The following ZNF287 variants were observed in gnomAD, a reference collection of about 807,000 sequenced individuals.
ZNF287 encodes zinc finger protein 287.
In ZNF287, 31 loss-of-function variants were observed where a neutral mutation model predicts 73.7. The observed-to-expected ratio is 0.42, with a 90% CI of 0.32 to 0.57. ZNF287 has a LOEUF of 0.57. ZNF287 is among the 20% of genes least tolerant of loss of function. ZNF287 has a pLI of 0.13. For synonymous variants in ZNF287, 301 were observed against 307.2 expected (o/e 0.98, Z 0.21); for missense variants, 641 against 909.3 (o/e 0.70, Z 3.79).
chr17:16,555,773 T>G (rs1907016316), intron 5 of ZNF287, among the ~76,000 whole-genome samples: 1 of 152,178 alleles, frequency 6.6e-6, no homozygotes, highest in African/African-American at 2.4e-5. Context: ...TTACAACCTC[T>G]TTCTCCTTTG....
chr17:16,561,184 C>G (rs1363543653), intron 5 of ZNF287, among the ~76,000 whole-genome samples: 6 of 151,936 alleles, frequency 3.9e-5, no homozygotes, highest in Non-Finnish European at 7.4e-5. Flanking sequence ...TGTGGTGGCA[C>G]ATGCCTCTAA....
rs956448236 is a variant in ZNF287 at position 16,549,067 on chromosome 17, A to T, written c.*2789T>A. ...GTAAGTTACTTTCCAATGTTTGGTTAAAAAAAATACGGCAGAATGTTAGTT... is the reference window on the plus strand; with the variant it reads ...GTAAGTTACTTTCCAATGTTTGGTTTAAAAAAATACGGCAGAATGTTAGTT... On this transcript the variant is annotated 3_prime_UTR_variant, in exon 6 of 6. Transcript: ENST00000395825. Among the ~76,000 whole-genome samples, 1 of 151,910 alleles carries T rather than the reference A, an allele frequency of 6.6e-6. No individual in the cohort carries two copies. Among genetic ancestry groups the T allele is most frequent in the Non-Finnish European group, 1.5e-5 (1 of 67,942 alleles).
Position 16,552,779 on chromosome 17 carries a change from C to G in ZNF287, c.1363G>C (p.Asp455His), listed in dbSNP as rs867256224. 2 of 1,613,658 alleles carry G rather than the reference C, an allele frequency of 1.2e-6. No individual in the cohort carries two copies. Among genetic ancestry groups the G allele is most frequent in the African/African-American group, 1.3e-5 (1 of 74,888 alleles). Reference protein sequence around the residue: ...IHTGEKPYKCDDCGKDFSQRA... With the variant: ...IHTGEKPYKCHDCGKDFSQRA... ...TGACTGAAGTCTTTCCCACAGTCAT[C>G]ACACTTATAGGGTTTCTCTCCAGTA... is the stretch of plus-strand genomic sequence containing the variant. Residue 455 changes from aspartate to histidine, a missense_variant, in exon 6 of 6, where the codon GAT becomes CAT. Physicochemically the swap from Asp to His is moderately conservative, Grantham distance 81. This residue lies in a region of ZNF287 where 284 missense variants were observed against 466.8 expected (regional missense o/e 0.61). Coordinates refer to ENST00000395825, the MANE Select transcript of ZNF287 (RefSeq NM_020653.4). The surrounding 1 kb of genome is among the most constrained non-coding windows in gnomAD (Gnocchi z 6.5).
chr17:16,563,367 G>T (rs1907558994), intron 4 of ZNF287, 135 bp from the exon 5 acceptor site: 6 of 632,950 alleles, frequency 9.5e-6, no homozygotes, highest in South Asian at 2.2e-5. Flanking sequence ...TCTAATAAGA[G>T]AATTAGGCTG....
In ZNF287 at chr17:16,548,727, G is replaced by C. The variant is rs1239447090; in HGVS notation, c.*3129C>G. ...AGGCAGGAGAATGGCGTGAACCTGG[G>C]AGGCGGACCTTGCAGTGAGCCGAGA... On this transcript the variant is annotated 3_prime_UTR_variant, in exon 6 of 6. Coordinates refer to ENST00000395825, the MANE Select transcript of ZNF287 (RefSeq NM_020653.4). Among the ~76,000 whole-genome samples the C allele has an allele frequency of 3.9e-5, 6 of 152,148 alleles. No individual in the cohort carries two copies. The highest frequency in any genetic ancestry group is 8.8e-5 in the Non-Finnish European group (6 of 67,992).
rs752655791 is a variant in ZNF287 at position 16,554,439 on chromosome 17, G to A, written c.716-1013C>T. Among the ~76,000 whole-genome samples, 118 of 152,088 alleles carry A rather than the reference G, an allele frequency of 7.8e-4. 1 individual carries two copies. The highest frequency in any genetic ancestry group is 1.2e-3 in the Non-Finnish European group (80 of 68,008). Reference sequence around the variant, plus strand: ...TCCGCCTGCCTCAGCCTCTCAAAGTGTTAGGGTTACAGATATGAGCCGCCA... The same window carrying A: ...TCCGCCTGCCTCAGCCTCTCAAAGTATTAGGGTTACAGATATGAGCCGCCA... On this transcript the variant is annotated intron_variant, in intron 5 of 5. Transcript: ENST00000395825.
chr17:16,565,895 G>A (rs1389665383), intron 3 of ZNF287, among the ~76,000 whole-genome samples: 2 of 152,120 alleles, frequency 1.3e-5, no homozygotes, highest in Admixed American at 6.6e-5. Context: ...GCTGTGGCAT[G>A]AGAATCACTT....
In ZNF287 at chr17:16,548,832, C is replaced by A. The variant is rs541980899; in HGVS notation, c.*3024G>T. Among the ~76,000 whole-genome samples the A allele has an allele frequency of 6.6e-6, 1 of 152,072 alleles. No individual in the cohort carries two copies. Among genetic ancestry groups the A allele is most frequent in the East Asian group, 1.9e-4 (1 of 5,170 alleles). ...AGGAAAAACCAAAGTGGGGACTGTT[C>A]TAGATAGATGAAACAGATAATCAAA... On this transcript the variant is annotated 3_prime_UTR_variant, in exon 6 of 6. Coordinates refer to ENST00000395825, the MANE Select transcript of ZNF287 (RefSeq NM_020653.4).
rs1338537132 is a variant in ZNF287, at chr17:16,552,698, A to C, written c.1444T>G (p.Cys482Gly). 3.1e-6 allele frequency: 5 copies of C among 1,613,982 alleles called. No homozygotes were observed. The highest frequency in any genetic ancestry group is 4.2e-6 in the Non-Finnish European group (5 of 1,180,024). Residue 482 changes from cysteine (C) to glycine (G), a missense_variant, in exon 6 of 6, where the codon TGC becomes GGC. Physicochemically the swap from Cys to Gly is radical, Grantham distance 159. Around this residue, in one of 2 missense-constraint regions of ZNF287, gnomAD observed 284 missense variants for 466.8 expected, o/e 0.61. Coordinates refer to ENST00000395825, the MANE Select transcript of ZNF287 (RefSeq NM_020653.4). This position sits in a 1 kb window ranked among gnomAD's most constrained non-coding sequence, Gnocchi z 6.5. ...CTGAAGGTTTTACCACATTCCAAGC[A>C]TTTATATGGTTTCTCTCCAGTATGT... ...RTHTGEKPYK[C>G]LECGKTFSHS...
At chr17:16,564,698 C>T (rs961248814) in intron 3 of ZNF287, among the ~76,000 whole-genome samples, 3 of 152,198 alleles carry the variant, frequency 2.0e-5, no homozygotes, top group African/African-American at 7.2e-5. Context: ...CTGTTAAATA[C>T]ATTTCACAAT....
chr17:16,565,444 A>G (rs1332768822), intron 3 of ZNF287, among the ~76,000 whole-genome samples: 2 of 151,428 alleles, frequency 1.3e-5, no homozygotes, highest in African/African-American at 4.8e-5. Context: ...AGATATATAT[A>G]TAAGTATATA....
Position 16,547,464 on chromosome 17 carries a change from CT to C in ZNF287, c.*4391del, listed in dbSNP as rs1906336418. Among the ~76,000 whole-genome samples, 1 of 152,180 alleles carries C rather than the reference CT, an allele frequency of 6.6e-6. No individual in the cohort carries two copies. Among genetic ancestry groups the C allele is most frequent in the African/African-American group, 2.4e-5 (1 of 41,454 alleles). On this transcript the variant is annotated 3_prime_UTR_variant, in exon 6 of 6. Transcript: ENST00000395825. ...CTAGCATACATAACATGGAAGTGTT[CT>C]CTCCAATTTAGGTGCATGCTTAACA...
rs944044803 is a variant in ZNF287, at chr17:16,552,909, A to G, written c.1233T>C (p.Leu411=). The change falls in exon 6 of 6, where the codon CTT becomes CTC. Residue 411 remains leucine (L), a synonymous_variant. Transcript: ENST00000395825. The surrounding 1 kb of genome is among the most constrained non-coding windows in gnomAD (Gnocchi z 6.5). ...CGKEFRHISS[L]IAHQRMHTGE... is the part of the protein sequence containing the mutation. ...CAGTGTGCATTCTCTGATGTGCAATAAGGGATGAGATATGCCTAAACTCTT... is the reference window on the plus strand; with the variant it reads ...CAGTGTGCATTCTCTGATGTGCAATGAGGGATGAGATATGCCTAAACTCTT... The G allele has an allele frequency of 1.7e-5, 27 of 1,614,080 alleles. No homozygotes were observed. The highest frequency in any genetic ancestry group is 2.2e-5 in the Non-Finnish European group (26 of 1,180,038).
At chr17:16,556,908 C>A (rs1240727924) in intron 5 of ZNF287, among the ~76,000 whole-genome samples, 1 of 151,514 alleles carries the variant, frequency 6.6e-6, no homozygotes, top group East Asian at 1.9e-4. Flanking sequence ...AGTGCAATGG[C>A]GCGATCTCGG....
At chr17:16,563,072 A>T in intron 5 of ZNF287, 74 bp downstream of exon 5, 1 of 1,219,708 alleles carries the variant, frequency 8.2e-7, no homozygotes, top group Non-Finnish European at 1.2e-6. Context: ...GGTCATATTT[A>T]AAATGCATTT....
At position 16,549,271 on chromosome 17, in the gene ZNF287, T is replaced by C. The variant is rs1906486472; in HGVS notation, c.*2585A>G. Reference sequence around the variant, plus strand: ...CACAAAGATCTAGGGTTCTCCACTATTACTAGTCTGTTATTTTATAAGGGC... The same window carrying C: ...CACAAAGATCTAGGGTTCTCCACTACTACTAGTCTGTTATTTTATAAGGGC... On this transcript the variant is annotated 3_prime_UTR_variant, in exon 6 of 6. Coordinates refer to ENST00000395825, the MANE Select transcript of ZNF287 (RefSeq NM_020653.4). Among the ~76,000 whole-genome samples, 1 of 152,224 alleles carries C rather than the reference T, an allele frequency of 6.6e-6. No individual in the cohort carries two copies. Among genetic ancestry groups the C allele is most frequent in the South Asian group, 2.1e-4 (1 of 4,828 alleles).
At chr17:16,553,965 A>G (rs191738347) in intron 5 of ZNF287, among the ~76,000 whole-genome samples, 1 of 152,352 alleles carries the variant, frequency 6.6e-6, no homozygotes, top group East Asian at 1.9e-4. Context: ...TGTTAACATT[A>G]TTGGGTCTCA....
In ZNF287 at chr17:16,551,819, C is replaced by T. The variant is rs779998893; in HGVS notation, c.*37G>A. 4.0e-5 allele frequency: 61 copies of T among 1,534,186 alleles called. No individual in the cohort carries two copies. Among genetic ancestry groups the T allele is most frequent in the Non-Finnish European group, 4.8e-5 (55 of 1,143,438 alleles). On this transcript the variant is annotated 3_prime_UTR_variant, in exon 6 of 6. Transcript: ENST00000395825. ...TAGAATGCACAAAACAAAATTGAAACAAAGTTGTAAAACCGAATTGAAGTT... is the reference window on the plus strand; with the variant it reads ...TAGAATGCACAAAACAAAATTGAAATAAAGTTGTAAAACCGAATTGAAGTT...
intron 5 of ZNF287, among the ~76,000 whole-genome samples, chr17:16,561,317 AAAC>A (rs1364655406): frequency 1.3e-5 from 2 of 152,322 alleles, no homozygotes; most frequent in East Asian, 1.9e-4. Flanking sequence ...TCCATCTCAA[AAAC>A]AACAACAAAA....
Sources: allele counts gnomAD v4.1 joint callset (sites outside exome capture counted in the v4.1 genomes callset), GRCh38; gene constraint gnomAD v4.1.1; regional missense constraint gnomAD v4.1.1; non-coding constraint Gnocchi (gnomAD v3.1); transcripts MANE v1.5; gene names NCBI Gene and HGNC (gene_info 2026-07-23, HGNC 2026-07-21).